The following DNAH5 variants were observed in gnomAD, a reference collection of about 807,000 sequenced individuals.
DNAH5 encodes dynein axonemal heavy chain 5, also known as axonemal beta dynein heavy chain 5.
A neutral mutation model predicts 518.2 loss-of-function variants in DNAH5; 372 were observed. That is an observed-to-expected ratio of 0.72 (90% CI 0.66 to 0.78). The LOEUF (loss-of-function observed/expected upper bound fraction) is 0.78, where lower values mean the gene tolerates loss of function less well. Ranked by LOEUF, DNAH5 falls within the 30% of genes least tolerant of loss-of-function variation. The pLI is 0.00. For synonymous variants in DNAH5, 2,039 were observed against 2,025.9 expected, an observed-to-expected ratio of 1.01 and a Z score of -0.17; for missense variants, 5,523 against 5,687.0, an observed-to-expected ratio of 0.97 and a Z score of 0.93.
intron 31 of DNAH5, among the ~76,000 whole-genome samples, chr5:13,847,312 TA>T (rs56743884): frequency 3.0e-4 from 45 of 147,750 alleles, no homozygotes; most frequent in African/African-American, 6.7e-4. Context: ...AAAGCTCAGT[TA>T]AAAAAAAAAG....
Position 13,885,154 on chromosome 5 carries a change from T to G in DNAH5, c.2818A>C (p.Thr940Pro), listed in dbSNP as rs1772223651. 3 of 1,614,124 alleles carry G rather than the reference T, an allele frequency of 1.9e-6. No individual in the cohort carries two copies. The African/African-American group carries it at 4.0e-5, about 22-fold the overall frequency. Reference protein sequence around the residue: ...NARANALLLTTVTRKKKETEM... With the variant: ...NARANALLLTPVTRKKKETEM... The stretch of plus-strand genomic sequence containing the variant: ...GTTTCTTTCTTTTTCCTCGTGACTG[T>G]CGTCAAAAGCAGGGCATTGGCCCTG... The change falls in exon 19 of 79, where the codon ACA becomes CCA. Residue 940 changes from threonine to proline, a missense_variant. Physicochemically the swap from Thr to Pro is conservative, Grantham distance 38. Transcript: ENST00000265104.
intron 1 of DNAH5, among the ~76,000 whole-genome samples, chr5:13,977,016 C>T (rs550720999): frequency 1.0e-3 from 159 of 152,288 alleles, no homozygotes; most frequent in Non-Finnish European, 2.1e-3. Flanking sequence ...AACGGTGTGT[C>T]ACTAAACTAT....
chr5:13,798,930 T>C (rs1475713571), intron 47 of DNAH5, among the ~76,000 whole-genome samples: 1 of 151,906 alleles, frequency 6.6e-6, no homozygotes, highest in Non-Finnish European at 1.5e-5. Context: ...CACACCCTGC[T>C]AATTTTTGTA....
chr5:13,768,879 T>A (rs1427322765), intron 58 of DNAH5, 81 bp downstream of exon 58: 2 of 1,476,518 alleles, frequency 1.4e-6, no homozygotes. Flanking sequence ...GTAGAGCATT[T>A]CCTTGCTGTT....
rs965838004 is a variant in DNAH5 at position 13,730,465 on chromosome 5, C to T, written c.11762-905G>A. Among the ~76,000 whole-genome samples the T allele has an allele frequency of 3.9e-5, 6 of 152,080 alleles. No homozygotes were observed. In the South Asian group the frequency reaches 8.3e-4, roughly 21 times the overall value. On this transcript the variant is annotated intron_variant, in intron 68 of 78. Coordinates refer to ENST00000265104, the MANE Select transcript of DNAH5 (RefSeq NM_001369.3). ...CTTTCTTTCTTTTGAGATGGAGTCT[C>T]GTTCTGTAGCCCAGGCTGGAGTGCA...
At chr5:13,815,441 A>G (rs1387146981) in intron 42 of DNAH5, among the ~76,000 whole-genome samples, 1 of 152,198 alleles carries the variant, frequency 6.6e-6, no homozygotes, top group East Asian at 1.9e-4. Flanking sequence ...TAGTGCCCCT[A>G]TAAAGAGACC....
intron 53 of DNAH5, 90 bp from the exon 54 acceptor site, chr5:13,777,445 C>T (rs1171039514): frequency 3.4e-6 from 4 of 1,164,022 alleles, no homozygotes; most frequent in African/African-American, 1.5e-5. Context: ...ATTTAGCTAA[C>T]AAAAAAATGC....
chr5:13,844,977 G>GT lies in DNAH5; in HGVS notation c.5130dup (p.Arg1711ThrfsTer37), dbSNP rs1580543863. 1.9e-6 allele frequency: 3 copies of GT among 1,613,998 alleles called. No individual in the cohort carries two copies. The highest frequency in any genetic ancestry group is 2.5e-6 in the Non-Finnish European group (3 of 1,179,938). ...AAGAAAAACCGAGGAAAGCACAGTC[G>GT]TTTTTTCTCCAAGTACCTACAAGGA... On this transcript the variant is annotated frameshift_variant, in exon 32 of 79. Coordinates refer to ENST00000265104, the MANE Select transcript of DNAH5 (RefSeq NM_001369.3). LOFTEE classifies it high-confidence loss of function.
chr5:13,878,871 G>A (rs991498165), intron 21 of DNAH5, among the ~76,000 whole-genome samples: 2 of 152,194 alleles, frequency 1.3e-5, no homozygotes, highest in African/African-American at 4.8e-5. Context: ...CCTGTGCTCA[G>A]CTTCACTGTG....
intron 48 of DNAH5, 100 bp downstream of exon 48, chr5:13,793,836 T>A (rs987030917): frequency 1.3e-6 from 2 of 1,552,208 alleles, no homozygotes; most frequent in African/African-American, 1.4e-5. Flanking sequence ...AGAAATTATA[T>A]CTTGAAAAAG....
At chr5:13,815,983 C>T (rs1212542443) in intron 42 of DNAH5, among the ~76,000 whole-genome samples, 1 of 152,116 alleles carries the variant, frequency 6.6e-6, no homozygotes, top group African/African-American at 2.4e-5. Context: ...TGTGTTTGCT[C>T]CCCTTTCTTC....
In DNAH5 at chr5:13,729,658, T is replaced by C. The variant is rs35791610; in HGVS notation, c.11762-98A>G. On this transcript the variant is annotated intron_variant, in intron 68 of 78. Transcript: ENST00000265104. ...ATTATTTTAATTTCAGTTATTTTAC[T>C]ACTTTCACTTTTTTAAGCACAGAAA... 9.1e-4 allele frequency: 1,006 copies of C among 1,099,816 alleles called. 1 individual carries two copies. Among genetic ancestry groups the C allele is most frequent in the Non-Finnish European group, 1.2e-3 (899 of 780,312 alleles). The allele number at this position is 1,099,816 out of a possible 1,614,324, so 68.1% of individuals were successfully genotyped here.
chr5:13,971,906 C>T (rs540719906), intron 1 of DNAH5, among the ~76,000 whole-genome samples: 30 of 152,188 alleles, frequency 2.0e-4, no homozygotes, highest in Non-Finnish European at 4.1e-4. Context: ...CTTTTGTCTT[C>T]AGCTACCAAG....
intron 72 of DNAH5, 65 bp from the exon 73 acceptor site, chr5:13,717,585 A>G: frequency 7.8e-7 from 1 of 1,282,884 alleles, no homozygotes; most frequent in Non-Finnish European, 1.1e-6. Context: ...TACTACTTTT[A>G]TAAGTAATCA....
chr5:13,925,948 C>T (rs35339484), intron 3 of DNAH5, among the ~76,000 whole-genome samples: 33,035 of 152,186 alleles, frequency 0.22, 4,406 homozygotes, highest in South Asian at 0.35. Flanking sequence ...AGTCAATAAA[C>T]AAGGTCTTCA....
chr5:13,941,271 T>C (rs1446163624), intron 1 of DNAH5, among the ~76,000 whole-genome samples: 2 of 152,140 alleles, frequency 1.3e-5, no homozygotes, highest in Non-Finnish European at 2.9e-5. Flanking sequence ...GGTGGAAGGA[T>C]TGGTTGAGCC....
chr5:13,970,607 A>C (rs1322826080), intron 1 of DNAH5, among the ~76,000 whole-genome samples: 1 of 152,194 alleles, frequency 6.6e-6, no homozygotes, highest in Non-Finnish European at 1.5e-5. Context: ...GGAGGCTAAC[A>C]ACAGGATCCA....
chr5:13,717,991 ATATAC>A (rs1474525489), intron 72 of DNAH5, among the ~76,000 whole-genome samples: 8 of 152,060 alleles, frequency 5.3e-5, no homozygotes, highest in African/African-American at 1.7e-4. Flanking sequence ...ATACATATGC[ATATAC>A]TATATTGTAT....
At chr5:13,735,966 G>T in intron 66 of DNAH5, 34 bp from the exon 67 acceptor site, 3 of 1,521,372 alleles carry the variant, frequency 2.0e-6, no homozygotes, top group Non-Finnish European at 2.7e-6. Flanking sequence ...CATGTGCTAC[G>T]AGAGAGGAAA....
Sources: gnomAD v4.1 joint callset for allele counts (sites outside exome capture counted in the v4.1 genomes callset) on GRCh38, gnomAD v4.1.1 for gene constraint, MANE v1.5 for transcripts, NCBI Gene and HGNC (gene_info 2026-07-23, HGNC 2026-07-21) for gene names.